ROBO1: variants seen among roughly 807,000 people sequenced by gnomAD.
ROBO1 encodes the protein roundabout guidance receptor 1.
A neutral mutation model predicts 195.9 loss-of-function variants in ROBO1; 149 were observed. That is an observed-to-expected ratio of 0.76 (90% CI 0.67 to 0.87). The LOEUF is 0.87. Ranked by LOEUF, ROBO1 falls within the 40% of genes least tolerant of loss-of-function variation. The pLI is 0.00. For synonymous variants in ROBO1, 816 were observed against 733.2 expected (o/e 1.11, Z -1.82); for missense variants, 1,933 against 2,068.3 (o/e 0.93, Z 1.27).
At chr3:79,249,522 G>C (rs969697171) in intron 2 of ROBO1, among the ~76,000 whole-genome samples, 3 of 152,098 alleles carry the variant, frequency 2.0e-5, no homozygotes. Context: ...AGATTGTTAA[G>C]GACTTCAGTT....
intron 3 of ROBO1, among the ~76,000 whole-genome samples, chr3:79,028,596 A>G (rs1471663657): frequency 6.6e-6 from 1 of 151,962 alleles, no homozygotes; most frequent in African/African-American, 2.4e-5. Flanking sequence ...AATTATAGAT[A>G]TCCTATTAAA....
chr3:79,717,240 G>C (rs1411120687), intron 1 of ROBO1, among the ~76,000 whole-genome samples: 1 of 151,666 alleles, frequency 6.6e-6, no homozygotes, highest in African/African-American at 2.4e-5. Flanking sequence ...GCTCAGAATA[G>C]TTAGAATAAT....
At chr3:78,966,559 A>G (rs953704510) in intron 3 of ROBO1, among the ~76,000 whole-genome samples, 1 of 152,184 alleles carries the variant, frequency 6.6e-6, no homozygotes, top group African/African-American at 2.4e-5. Flanking sequence ...GTTTGAGAAC[A>G]CCTGATTTCT....
At chr3:78,707,757 C>T (rs1407952850) in intron 8 of ROBO1, among the ~76,000 whole-genome samples, 1 of 152,098 alleles carries the variant, frequency 6.6e-6, no homozygotes, top group Admixed American at 6.5e-5. Context: ...CTGTGAGAAG[C>T]CTGGAGAGGA....
At chr3:79,410,247 T>C (rs2037712254) in intron 2 of ROBO1, among the ~76,000 whole-genome samples, 2 of 152,156 alleles carry the variant, frequency 1.3e-5, no homozygotes, top group South Asian at 2.1e-4. Flanking sequence ...GGACATAAAA[T>C]ATAGACTTTC....
intron 4 of ROBO1, among the ~76,000 whole-genome samples, chr3:78,894,021 C>T (rs1235392259): frequency 6.6e-6 from 1 of 152,062 alleles, no homozygotes; most frequent in Non-Finnish European, 1.5e-5. Flanking sequence ...TAAGGTTTTG[C>T]CAGAAATGTT....
chr3:79,117,550 G>A (rs1414488207), intron 3 of ROBO1, among the ~76,000 whole-genome samples: 1 of 152,098 alleles, frequency 6.6e-6, no homozygotes, highest in Non-Finnish European at 1.5e-5. Context: ...CCTAAGTGAG[G>A]AAGAAACTTC....
intron 1 of ROBO1, among the ~76,000 whole-genome samples, chr3:79,618,172 G>A (rs1177503105): frequency 6.6e-6 from 1 of 152,068 alleles, no homozygotes; most frequent in African/African-American, 2.4e-5. Context: ...TTGTGAAAGA[G>A]AAGAAGAAAA....
intron 4 of ROBO1, among the ~76,000 whole-genome samples, chr3:78,927,447 A>T (rs2039284301): frequency 6.6e-6 from 1 of 152,238 alleles, no homozygotes; most frequent in Admixed American, 6.5e-5. Context: ...TTATTCATAC[A>T]AAATGTTTTT....
At chr3:79,088,826 AT>A (rs1429070955) in intron 3 of ROBO1, among the ~76,000 whole-genome samples, 3 of 152,052 alleles carry the variant, frequency 2.0e-5, no homozygotes, top group Admixed American at 2.0e-4. Flanking sequence ...ATTCCATTAG[AT>A]CACTGTGTGT....
At chr3:78,959,494 A>G (rs149035072) in intron 3 of ROBO1, among the ~76,000 whole-genome samples, 4,707 of 152,290 alleles carry the variant, frequency 0.031, 142 homozygotes, top group Middle Eastern at 0.096. Flanking sequence ...AAATAATCTA[A>G]AACAATGAAT....
intron 2 of ROBO1, among the ~76,000 whole-genome samples, chr3:79,269,223 A>G (rs1174819264): frequency 6.6e-6 from 1 of 151,804 alleles, no homozygotes; most frequent in African/African-American, 2.4e-5. Flanking sequence ...ATGAGGGAAA[A>G]TAATATGAGA....
At chr3:78,793,243 C>T (rs2084079918) in intron 4 of ROBO1, among the ~76,000 whole-genome samples, 2 of 151,828 alleles carry the variant, frequency 1.3e-5, no homozygotes, top group African/African-American at 4.8e-5. Flanking sequence ...AGTTGTAATA[C>T]AAATACGAGT....
intron 2 of ROBO1, among the ~76,000 whole-genome samples, chr3:79,520,998 G>T (rs1306559790): frequency 2.0e-5 from 3 of 152,132 alleles, no homozygotes; most frequent in African/African-American, 7.2e-5. Flanking sequence ...GTGTTAAAGA[G>T]AAAATATGCA....
Position 78,668,110 on chromosome 3 carries a change from T to C in ROBO1, c.1799+24A>G, listed in dbSNP as rs748043126. 9 of 1,611,662 alleles carry C rather than the reference T, an allele frequency of 5.6e-6. No individual in the cohort carries two copies. In the African/African-American group the frequency reaches 1.2e-4, roughly 22 times the overall value. On this transcript the variant is annotated intron_variant, in intron 13 of 30. Transcript: ENST00000464233. ...TAATGGAGAATCAAAAAAGAACAAC[T>C]AGGAAGCATCTCCTTCACTCTACCT...
intron 1 of ROBO1, among the ~76,000 whole-genome samples, chr3:79,752,845 T>C (rs1704193062): frequency 6.6e-6 from 1 of 152,020 alleles, no homozygotes; most frequent in Non-Finnish European, 1.5e-5. Flanking sequence ...ATGACTGAGA[T>C]ACAATTTTAA....
intron 3 of ROBO1, among the ~76,000 whole-genome samples, chr3:79,110,282 A>G (rs777415236): frequency 1.3e-5 from 2 of 152,130 alleles, no homozygotes; most frequent in Non-Finnish European, 2.9e-5. Context: ...TAATATACAT[A>G]TATCATACAA....
intron 2 of ROBO1, among the ~76,000 whole-genome samples, chr3:79,310,224 T>C (rs1216504148): frequency 6.6e-6 from 1 of 152,192 alleles, no homozygotes; most frequent in Non-Finnish European, 1.5e-5. Context: ...ATCTGATTAG[T>C]TCTGGGCCCA....
At chr3:79,246,840 C>T (rs1295287967) in intron 2 of ROBO1, among the ~76,000 whole-genome samples, 3 of 151,926 alleles carry the variant, frequency 2.0e-5, no homozygotes, top group Non-Finnish European at 4.4e-5. Flanking sequence ...CCATAGAAAG[C>T]CCTTCCATAA....
Sources: gnomAD v4.1 joint callset for allele counts (sites outside exome capture counted in the v4.1 genomes callset) on GRCh38, gnomAD v4.1.1 for gene constraint, MANE v1.5 for transcripts, NCBI Gene and HGNC (gene_info 2026-07-23, HGNC 2026-07-21) for gene names.